ZBTB16: variants seen among roughly 807,000 people sequenced by gnomAD.
ZBTB16 encodes the protein zinc finger and BTB domain containing 16.
A neutral mutation model predicts 56.8 loss-of-function variants in ZBTB16; 8 were observed. That is an observed-to-expected ratio of 0.14 (90% confidence interval 0.08 to 0.25). The LOEUF is 0.25. Ranked by LOEUF, ZBTB16 falls within the 10% of genes least tolerant of loss-of-function variation. ZBTB16 has a pLI of 1.00. For missense variants in ZBTB16, 625 were observed against 903.0 expected (o/e 0.69, Z 3.95); for synonymous variants, 363 against 368.5 (o/e 0.98, Z 0.17).
intron 4 of ZBTB16, among the ~76,000 whole-genome samples, chr11:114,197,489 C>A (rs1242157699): frequency 2.0e-5 from 3 of 152,158 alleles, no homozygotes; most frequent in Non-Finnish European, 2.9e-5. Context: ...TGTGGCCTCC[C>A]CCTTTGGAGG....
At chr11:114,112,182 T>C (rs571306254) in intron 2 of ZBTB16, among the ~76,000 whole-genome samples, 2 of 152,354 alleles carry the variant, frequency 1.3e-5, no homozygotes, top group East Asian at 3.9e-4. Flanking sequence ...TCTCTTTCGA[T>C]ATAAATCAGA....
At chr11:114,140,179 C>T (rs965912459) in intron 2 of ZBTB16, among the ~76,000 whole-genome samples, 15 of 152,168 alleles carry the variant, frequency 9.9e-5, no homozygotes, top group Non-Finnish European at 1.6e-4. Flanking sequence ...GCCTGTTTCC[C>T]TCTCATCTGA....
At chr11:114,207,312 A>G (rs1244311309) in intron 4 of ZBTB16, among the ~76,000 whole-genome samples, 3 of 152,170 alleles carry the variant, frequency 2.0e-5, no homozygotes, top group Non-Finnish European at 2.9e-5. Flanking sequence ...AACCTCCTGC[A>G]TGGGGCTCAG....
At chr11:114,165,767 G>T (rs1281339431) in intron 3 of ZBTB16, among the ~76,000 whole-genome samples, 1 of 152,140 alleles carries the variant, frequency 6.6e-6, no homozygotes, top group Admixed American at 6.5e-5. Flanking sequence ...CTGTTGAGGG[G>T]TCTCACTTGG....
chr11:114,199,967 A>G (rs1231085583), intron 4 of ZBTB16, among the ~76,000 whole-genome samples: 1 of 151,960 alleles, frequency 6.6e-6, no homozygotes, highest in Non-Finnish European at 1.5e-5. Context: ...TCTCTACTAA[A>G]AATACAAAAA....
At chr11:114,078,250 A>G (rs962718953) in intron 2 of ZBTB16, among the ~76,000 whole-genome samples, 5 of 152,236 alleles carry the variant, frequency 3.3e-5, no homozygotes, top group Admixed American at 6.5e-5. Flanking sequence ...CCACATTAAT[A>G]CAAGATGGGA....
At chr11:114,240,795 G>C (rs1157527723) in intron 4 of ZBTB16, among the ~76,000 whole-genome samples, 6 of 152,164 alleles carry the variant, frequency 3.9e-5, no homozygotes, top group African/African-American at 1.4e-4. Flanking sequence ...GGGGTACTTT[G>C]GGGATGAACA....
intron 2 of ZBTB16, among the ~76,000 whole-genome samples, chr11:114,095,368 A>G (rs1313405597): frequency 6.9e-6 from 1 of 144,312 alleles, no homozygotes; most frequent in East Asian, 2.1e-4. Flanking sequence ...TCAAGCGACT[A>G]TCCTGCCTCA....
intron 3 of ZBTB16, among the ~76,000 whole-genome samples, chr11:114,174,738 G>A (rs1046201463): frequency 2.6e-4 from 39 of 152,342 alleles, no homozygotes; most frequent in African/African-American, 9.1e-4. Flanking sequence ...AAACCAATTG[G>A]CAGAGCTCTG....
At chr11:114,144,177 G>GAC (rs56679355) in intron 2 of ZBTB16, among the ~76,000 whole-genome samples, 33,765 of 144,834 alleles carry the variant, frequency 0.23, 3,777 homozygotes, top group Admixed American at 0.3. Flanking sequence ...GTGTTTGCCA[G>GAC]ACACACACAC....
intron 2 of ZBTB16, among the ~76,000 whole-genome samples, chr11:114,107,789 G>A (rs1296302363): frequency 6.6e-6 from 1 of 152,142 alleles, no homozygotes; most frequent in Non-Finnish European, 1.5e-5. Context: ...ACAAAGCTGG[G>A]CTGAGAAGAG....
At chr11:114,220,716 C>T (rs529391791) in intron 4 of ZBTB16, among the ~76,000 whole-genome samples, 6 of 152,282 alleles carry the variant, frequency 3.9e-5, no homozygotes, top group Admixed American at 3.3e-4. Flanking sequence ...CTTGCAGTCA[C>T]GGCCCCCGTT....
chr11:114,099,403 G>T (rs1006816522), intron 2 of ZBTB16, among the ~76,000 whole-genome samples: 1 of 151,676 alleles, frequency 6.6e-6, no homozygotes, highest in Non-Finnish European at 1.5e-5. Flanking sequence ...AAGGAGTGTA[G>T]TTTATAATAA....
chr11:114,109,163 C>T (rs1239043545), intron 2 of ZBTB16, among the ~76,000 whole-genome samples: 1 of 152,240 alleles, frequency 6.6e-6, no homozygotes, highest in Non-Finnish European at 1.5e-5. Flanking sequence ...GTCTGTTCTT[C>T]TAGTGGACTT....
chr11:114,214,414 G>A (rs1224368658), intron 4 of ZBTB16, among the ~76,000 whole-genome samples: 2 of 152,020 alleles, frequency 1.3e-5, no homozygotes, highest in Non-Finnish European at 2.9e-5. Flanking sequence ...GATATTAATG[G>A]CATTACCTTT....
chr11:114,243,028 G>C (rs945498626), intron 5 of ZBTB16, among the ~76,000 whole-genome samples: 3 of 152,204 alleles, frequency 2.0e-5, no homozygotes, highest in Non-Finnish European at 2.9e-5. Flanking sequence ...CCAGCCTCTA[G>C]GGCTTGAGGG....
chr11:114,237,730 C>A (rs1030680081), intron 4 of ZBTB16, among the ~76,000 whole-genome samples: 1 of 152,248 alleles, frequency 6.6e-6, no homozygotes, highest in African/African-American at 2.4e-5. Context: ...GAAACGCCAG[C>A]AAATTGTTTA....
chr11:114,139,597 G>A (rs560174254), intron 2 of ZBTB16, among the ~76,000 whole-genome samples: 1 of 149,556 alleles, frequency 6.7e-6, no homozygotes, highest in South Asian at 2.1e-4. Flanking sequence ...GGCGAGAGAT[G>A]GCGTGTGTGG....
At chr11:114,171,097 G>A (rs1942954364) in intron 3 of ZBTB16, among the ~76,000 whole-genome samples, 1 of 152,186 alleles carries the variant, frequency 6.6e-6, no homozygotes, top group Admixed American at 6.5e-5. Context: ...GAGAGGGACA[G>A]GTGCAGCCTT....
Sources: gnomAD v4.1 joint callset for allele counts (sites outside exome capture counted in the v4.1 genomes callset) on GRCh38, gnomAD v4.1.1 for gene constraint, MANE v1.5 for transcripts, NCBI Gene and HGNC (gene_info 2026-07-23, HGNC 2026-07-21) for gene names.